Variants in STARD9 observed in about 807,000 individuals in gnomAD.
STARD9 encodes stAR-related lipid transfer protein 9.
A neutral mutation model predicts 399.8 loss-of-function variants in STARD9; 346 were observed. The ratio of observed to expected loss-of-function variants is 0.87; its 90% confidence interval spans 0.79 to 0.95. The LOEUF (loss-of-function observed/expected upper bound fraction) is 0.95, where lower values mean the gene tolerates loss of function less well. Among genes scored for constraint, STARD9 ranks in the 40% least tolerant of loss-of-function variants. The pLI is 0.00. For synonymous variants in STARD9, 2,203 were observed against 2,143.5 expected (o/e 1.03, Z -0.77); for missense variants, 5,832 against 5,667.5 (o/e 1.03, Z -0.93).
intron 20 of STARD9, among the ~76,000 whole-genome samples, chr15:42,679,184 G>A (rs2060375085): frequency 6.6e-6 from 1 of 152,148 alleles, no homozygotes; most frequent in African/African-American, 2.4e-5. Context: ...GTCTAGGATG[G>A]GCTCATGTTT....
intron 26 of STARD9, among the ~76,000 whole-genome samples, chr15:42,704,914 AC>A: frequency 6.6e-6 from 1 of 152,298 alleles, no homozygotes; most frequent in East Asian, 1.9e-4. Flanking sequence ...GGCCTCTTGG[AC>A]CAGGGTGGAA....
At chr15:42,651,636 CT>C (rs1025957352) in intron 8 of STARD9, among the ~76,000 whole-genome samples, 2 of 150,586 alleles carry the variant, frequency 1.3e-5, no homozygotes, top group Admixed American at 6.6e-5. Flanking sequence ...CTAAAAAAGG[CT>C]TTTTTTTTCT....
At chr15:42,665,104 G>A (rs902942119) in intron 13 of STARD9, 149 bp from the exon 14 acceptor site, 1 of 611,694 alleles carries the variant, frequency 1.6e-6, no homozygotes, top group Non-Finnish European at 2.9e-6. Context: ...AGTGGGTGCT[G>A]CGGGTCCTGG....
intron 3 of STARD9, among the ~76,000 whole-genome samples, chr15:42,611,930 A>G (rs1224983764): frequency 6.6e-6 from 1 of 152,138 alleles, no homozygotes; most frequent in Non-Finnish European, 1.5e-5. Context: ...ACTCCCCAAA[A>G]GAGTTGATCA....
Position 42,686,627 on chromosome 15 carries a change from A to G in STARD9, c.5049A>G (p.Pro1683=). 6.5e-7 allele frequency: 1 copy of G among 1,537,306 alleles called. No homozygotes were observed. The highest frequency in any genetic ancestry group is 1.4e-5 in the African/African-American group (1 of 73,162). Residue 1683 remains proline, a synonymous_variant, in exon 23 of 33, where the codon CCA becomes CCG. Coordinates refer to ENST00000290607, the MANE Select transcript of STARD9 (RefSeq NM_020759.3). The part of the protein sequence containing the change: ...APLRKNSAVQ[P]GQLSPDSHYP... ...TCAGGAAAAATAGTGCAGTCCAGCC[A>G]GGGCAATTAAGTCCCGACAGCCACT...
intron 3 of STARD9, among the ~76,000 whole-genome samples, chr15:42,599,759 A>C (rs75891360): frequency 0.022 from 3,304 of 152,304 alleles, 133 homozygotes; most frequent in African/African-American, 0.076. Flanking sequence ...GTAAGCATTT[A>C]GGAAGCAACA....
chr15:42,652,758 C>T (rs538060652), intron 9 of STARD9, among the ~76,000 whole-genome samples, 166 bp downstream of exon 9: 1 of 152,272 alleles, frequency 6.6e-6, no homozygotes, highest in South Asian at 2.1e-4. Flanking sequence ...TCACCTGAAC[C>T]TCTGCCTCCC....
At position 42,691,932 on chromosome 15, in the gene STARD9, T is replaced by C; in HGVS notation, c.10354T>C (p.Ser3452Pro). 6.5e-7 allele frequency: 1 copy of C among 1,537,206 alleles called. No homozygotes were observed. The highest frequency in any genetic ancestry group is 8.7e-7 in the Non-Finnish European group (1 of 1,146,894). ...CCAGGTTAGGCCAGAAAATTGGTGCTCTCAGATGGACAAAGGAATGCTGCA... is the reference window on the plus strand; with the variant it reads ...CCAGGTTAGGCCAGAAAATTGGTGCCCTCAGATGGACAAAGGAATGCTGCA... ...GVQVRPENWC[S>P]QMDKGMLHFG... is the part of the protein sequence containing the mutation. The change falls in exon 23 of 33, where the codon TCT (serine) becomes CCT (proline). Residue 3452 changes from serine to proline, a missense_variant. By Grantham distance (74) the Ser-to-Pro change is moderately conservative. Transcript: ENST00000290607.
At chr15:42,665,128 G>A in intron 13 of STARD9, 125 bp from the exon 14 acceptor site, 1 of 699,438 alleles carries the variant, frequency 1.4e-6, no homozygotes, top group South Asian at 1.9e-5. Flanking sequence ...CACAACTTGA[G>A]AATGACTGCT....
chr15:42,595,204 A>T (rs1450450251), intron 3 of STARD9, among the ~76,000 whole-genome samples: 1 of 152,144 alleles, frequency 6.6e-6, no homozygotes, highest in Admixed American at 6.5e-5. Flanking sequence ...AACTAAGGTG[A>T]GGAGGAATTT....
intron 26 of STARD9, among the ~76,000 whole-genome samples, chr15:42,710,513 C>T (rs1215385887): frequency 1.3e-5 from 2 of 152,178 alleles, no homozygotes; most frequent in African/African-American, 4.8e-5. Flanking sequence ...TTGGCAACCA[C>T]GAATCTACTT....
chr15:42,597,347 C>G (rs904317003), intron 3 of STARD9, among the ~76,000 whole-genome samples: 39 of 152,120 alleles, frequency 2.6e-4, no homozygotes, highest in African/African-American at 7.7e-4. Flanking sequence ...AGCCACCGCA[C>G]CTGGTGCATG....
At chr15:42,650,947 T>G (rs1002418207) in intron 7 of STARD9, 69 bp from the exon 8 acceptor site, 16 of 1,148,572 alleles carry the variant, frequency 1.4e-5, no homozygotes, top group Non-Finnish European at 1.9e-5. Flanking sequence ...GATAAAGACT[T>G]ACAAGAAAAG....
chr15:42,611,418 T>G (rs186001502), intron 3 of STARD9, among the ~76,000 whole-genome samples: 111 of 152,280 alleles, frequency 7.3e-4, no homozygotes, highest in Non-Finnish European at 1.1e-3. Flanking sequence ...TTGGAGACAT[T>G]CTCGTTCTTG....
intron 26 of STARD9, among the ~76,000 whole-genome samples, chr15:42,712,749 C>G (rs2061271542): frequency 6.6e-6 from 1 of 152,150 alleles, no homozygotes; most frequent in Non-Finnish European, 1.5e-5. Context: ...CTGGGCTCGT[C>G]TCAAACTCCT....
intron 2 of STARD9, 38 bp downstream of exon 2, chr15:42,583,453 G>A (rs1176389654): frequency 1.4e-6 from 2 of 1,451,222 alleles, no homozygotes; most frequent in Admixed American, 2.0e-5. Context: ...TTTCCACTGA[G>A]GAGCTAATAT....
chr15:42,656,685 G>A (rs1286835903), intron 9 of STARD9, among the ~76,000 whole-genome samples: 1 of 152,182 alleles, frequency 6.6e-6, no homozygotes, highest in African/African-American at 2.4e-5. Context: ...CAACCTGGAT[G>A]GAATTGGAGA....
At chr15:42,712,202 C>T (rs908668332) in intron 26 of STARD9, among the ~76,000 whole-genome samples, 10 of 132,648 alleles carry the variant, frequency 7.5e-5, no homozygotes, top group Non-Finnish European at 1.3e-4. Context: ...TTTTAAGATT[C>T]GGTTATTTGT....
Position 42,686,740 on chromosome 15 carries a change from C to T in STARD9, c.5162C>T (p.Ser1721Leu). ...ATAAATGTTTCCTTTGCCCTTCCTT[C>T]AGGTCCAGAGCTATACCTTCACTCT... is the stretch of plus-strand genomic sequence containing the variant. ...RHINVSFALPSGPELYLHSAP... is the reference protein window; with the variant it reads ...RHINVSFALPLGPELYLHSAP... The change falls in exon 23 of 33, where the codon TCA (serine) becomes TTA (leucine). Residue 1721 changes from serine to leucine, a missense_variant. Ser to Leu is a moderately radical substitution (Grantham distance 145). This residue lies in a region of STARD9 where 5,828 missense variants were observed against 5,651.1 expected (regional missense o/e 1.03). Coordinates refer to ENST00000290607, the MANE Select transcript of STARD9 (RefSeq NM_020759.3). 6.5e-7 allele frequency: 1 copy of T among 1,537,596 alleles called. No homozygotes were observed. The highest frequency in any genetic ancestry group is 1.2e-5 in the South Asian group (1 of 84,064).
Sources: gnomAD v4.1 joint callset for allele counts (sites outside exome capture counted in the v4.1 genomes callset) on GRCh38, gnomAD v4.1.1 for gene constraint, gnomAD v4.1.1 regional missense constraint, MANE v1.5 for transcripts, NCBI Gene and HGNC (gene_info 2026-07-23, HGNC 2026-07-21) for gene names.